The following CCDC134 variants were observed in gnomAD, a reference collection of about 807,000 sequenced individuals.
The protein encoded by CCDC134 is coiled-coil domain containing 134.
A neutral mutation model predicts 25.6 loss-of-function variants in CCDC134; 27 were observed. The ratio of observed to expected loss-of-function variants is 1.05; its 90% CI spans 0.78 to 1.45. The LOEUF is 1.45. Ranked by LOEUF, CCDC134 falls within the 40% of genes most tolerant of loss-of-function variation. The pLI is 0.00. For missense variants in CCDC134, 261 were observed against 286.7 expected (o/e 0.91, Z 0.65); for synonymous variants, 110 against 115.0 (o/e 0.96, Z 0.28).
intron 6 of CCDC134, among the ~76,000 whole-genome samples, chr22:41,820,612 T>G (rs935709248): frequency 1.3e-5 from 2 of 152,204 alleles, no homozygotes; most frequent in African/African-American, 4.8e-5. Context: ...CAGGTTCTGC[T>G]TCTCTTTTGG....
chr22:41,801,928 G>A (rs182937376), intron 1 of CCDC134, among the ~76,000 whole-genome samples: 92 of 152,290 alleles, frequency 6.0e-4, no homozygotes, highest in Non-Finnish European at 9.4e-4. Flanking sequence ...AGGATTACAT[G>A]ATTATTTTGA....
chr22:41,813,184 G>T, intron 4 of CCDC134, 80 bp from the exon 5 acceptor site: 2 of 1,439,154 alleles, frequency 1.4e-6, no homozygotes, highest in Non-Finnish European at 1.9e-6. Flanking sequence ...GGATGTCTCT[G>T]TTCTCTAGAG....
In CCDC134 at chr22:41,830,855, A is replaced by G. The variant is rs2076702376; in HGVS notation, c.*5032A>G. 6.7e-6 allele frequency among the ~76,000 whole-genome samples: 1 copy of G among 150,132 alleles called. No individual in the cohort carries two copies. Among genetic ancestry groups the G allele is most frequent in the Non-Finnish European group, 1.5e-5 (1 of 67,646 alleles). ...CATCGTTTTTAACCTTCAGGTGAGCACACAGATCCTTATTTTTTCTTTTCT... is the reference window on the plus strand; with the variant it reads ...CATCGTTTTTAACCTTCAGGTGAGCGCACAGATCCTTATTTTTTCTTTTCT... On this transcript the variant is annotated 3_prime_UTR_variant, in exon 7 of 7. Coordinates refer to ENST00000255784, the MANE Select transcript of CCDC134 (RefSeq NM_024821.5).
intron 1 of CCDC134, among the ~76,000 whole-genome samples, chr22:41,803,857 C>T (rs777040989): frequency 1.1e-4 from 17 of 152,106 alleles, no homozygotes; most frequent in African/African-American, 2.7e-4. Flanking sequence ...AGAGGCCCAC[C>T]GTGGTGGCTC....
intron 1 of CCDC134, among the ~76,000 whole-genome samples, chr22:41,806,819 G>A (rs917154157): frequency 1.3e-5 from 2 of 151,906 alleles, no homozygotes; most frequent in East Asian, 1.9e-4. Context: ...AGGCTGAGGC[G>A]GTGGATCACC....
intron 6 of CCDC134, among the ~76,000 whole-genome samples, chr22:41,821,948 C>T (rs181249575): frequency 2.0e-5 from 3 of 152,090 alleles, no homozygotes; most frequent in Admixed American, 6.6e-5. Flanking sequence ...GAGGGGAGCA[C>T]GGAGGCTTGA....
At position 41,830,884 on chromosome 22, in the gene CCDC134, C is replaced by CTTTTTTTT. The variant is rs67246997; in HGVS notation, c.*5076_*5083dup. 1.1e-4 allele frequency among the ~76,000 whole-genome samples: 13 copies of CTTTTTTTT among 117,260 alleles called. No individual in the cohort carries two copies. Among genetic ancestry groups the CTTTTTTTT allele is most frequent in the African/African-American group, 2.4e-4 (6 of 25,486 alleles). 76.9% of individuals were successfully genotyped at this position (117,260 alleles called of 152,430 possible). On this transcript the variant is annotated 3_prime_UTR_variant, in exon 7 of 7. Coordinates refer to ENST00000255784, the MANE Select transcript of CCDC134 (RefSeq NM_024821.5). ...AGATCCTTATTTTTTCTTTTCTTTTCTTTTTTTTTTTTTTTTTTTTTTGAG... is the reference window on the plus strand; with the variant it reads ...AGATCCTTATTTTTTCTTTTCTTTTCTTTTTTTTTTTTTTTTTTTTTTTTTTTTTTGAG...
At position 41,827,470 on chromosome 22, in the gene CCDC134, C is replaced by T. The variant is rs901854341; in HGVS notation, c.*1647C>T. 6.6e-6 allele frequency among the ~76,000 whole-genome samples: 1 copy of T among 152,104 alleles called. No individual in the cohort carries two copies. Among genetic ancestry groups the T allele is most frequent in the Non-Finnish European group, 1.5e-5 (1 of 68,024 alleles). Reference sequence around the variant, plus strand: ...CTTGAACAAAGAATTGGGCAAAATGCACAAAGCAAGGAAGGAATGAAGGGT... The same window carrying T: ...CTTGAACAAAGAATTGGGCAAAATGTACAAAGCAAGGAAGGAATGAAGGGT... On this transcript the variant is annotated 3_prime_UTR_variant, in exon 7 of 7. Coordinates refer to ENST00000255784, the MANE Select transcript of CCDC134 (RefSeq NM_024821.5).
In CCDC134 at chr22:41,826,684, G is replaced by A. The variant is rs866630173; in HGVS notation, c.*861G>A. Among the ~76,000 whole-genome samples the A allele has an allele frequency of 1.3e-5, 2 of 152,216 alleles. No homozygotes were observed. The highest frequency in any genetic ancestry group is 6.5e-5 in the Admixed American group (1 of 15,286). The stretch of plus-strand genomic sequence containing the variant: ...ACAGGCCGCAGCCCTGCAGGAGGCC[G>A]TGCTCCGCAATGGCTGCCCTAAGCT... On this transcript the variant is annotated 3_prime_UTR_variant, in exon 7 of 7. Transcript: ENST00000255784.
intron 6 of CCDC134, among the ~76,000 whole-genome samples, chr22:41,815,209 T>TTC (rs1189727797): frequency 6.8e-6 from 1 of 146,742 alleles, no homozygotes; most frequent in African/African-American, 2.6e-5. Context: ...CTTTTCTTTT[T>TTC]TTTTTTTTTT....
At chr22:41,811,510 C>G (rs1218193905) in intron 4 of CCDC134, among the ~76,000 whole-genome samples, 5 of 152,138 alleles carry the variant, frequency 3.3e-5, no homozygotes, top group Admixed American at 6.5e-5. Flanking sequence ...TTCACTGCAA[C>G]CTCTGCCTCC....
chr22:41,829,259 G>A lies in CCDC134; in HGVS notation c.*3436G>A, dbSNP rs1188027461. ...AGAGATGCTGTTGACAGCTCCTTGAGGTGATTCTCTCAGGCTTGTTGTTGT... is the reference window on the plus strand; with the variant it reads ...AGAGATGCTGTTGACAGCTCCTTGAAGTGATTCTCTCAGGCTTGTTGTTGT... On this transcript the variant is annotated 3_prime_UTR_variant, in exon 7 of 7. Transcript: ENST00000255784. 6.6e-6 allele frequency among the ~76,000 whole-genome samples: 1 copy of A among 152,160 alleles called. No individual in the cohort carries two copies. Among genetic ancestry groups the A allele is most frequent in the African/African-American group, 2.4e-5 (1 of 41,422 alleles).
rs1485611330 is a variant in CCDC134, at chr22:41,832,100, T to G, written c.*6277T>G. ...CACAAACTGGCAGGAAACTTCAACT[T>G]TTCCCTTTTATCAATATATTGTGAA... is the stretch of plus-strand genomic sequence containing the variant. On this transcript the variant is annotated 3_prime_UTR_variant, in exon 7 of 7. Coordinates refer to ENST00000255784, the MANE Select transcript of CCDC134 (RefSeq NM_024821.5). 3 of 152,222 alleles carry G rather than the reference T, an allele frequency of 2.0e-5. No homozygotes were observed. Among genetic ancestry groups the G allele is most frequent in the Non-Finnish European group, 4.4e-5 (3 of 68,036 alleles). The allele number at this position is 152,222 out of a possible 1,614,324, so 9.4% of individuals were successfully genotyped here. A position where few individuals can be genotyped will look rare whatever the true frequency, so the allele number is the denominator to read the frequency against.
intron 4 of CCDC134, among the ~76,000 whole-genome samples, chr22:41,811,921 T>C (rs910828588): frequency 2.0e-5 from 3 of 152,142 alleles, no homozygotes; most frequent in Admixed American, 2.0e-4. Context: ...ACCTCAGCCA[T>C]TATGGCTTCA....
rs1425557586 is a variant in CCDC134, at chr22:41,828,049, G to A, written c.*2226G>A. On this transcript the variant is annotated 3_prime_UTR_variant, in exon 7 of 7. Transcript: ENST00000255784. ...AAAGCATACCTCAGGACAGTCAGTG[G>A]TGGGTCCAGCTTCGGCTGGAGGTTC... 6.6e-6 allele frequency among the ~76,000 whole-genome samples: 1 copy of A among 152,234 alleles called. No individual in the cohort carries two copies. The highest frequency in any genetic ancestry group is 1.5e-5 in the Non-Finnish European group (1 of 68,034).
intron 6 of CCDC134, among the ~76,000 whole-genome samples, chr22:41,817,257 A>G (rs2076626965): frequency 6.6e-6 from 1 of 152,134 alleles, no homozygotes. Context: ...TACCATGCCA[A>G]GTAGAATGAT....
intron 1 of CCDC134, among the ~76,000 whole-genome samples, chr22:41,808,267 GC>G (rs1166082354): frequency 6.6e-6 from 1 of 152,032 alleles, no homozygotes; most frequent in Non-Finnish European, 1.5e-5. Flanking sequence ...TGAGTAGCAA[GC>G]CCCCTTACCC....
chr22:41,827,209 T>C lies in CCDC134; in HGVS notation c.*1386T>C, dbSNP rs2076684064. On this transcript the variant is annotated 3_prime_UTR_variant, in exon 7 of 7. Transcript: ENST00000255784. ...CGGAAGTAAGGGGACAAGAAGCAGC[T>C]GGAAGAGAGCTGGGTGTGGGGGCTG... Among the ~76,000 whole-genome samples, 1 of 152,144 alleles carries C rather than the reference T, an allele frequency of 6.6e-6. No individual in the cohort carries two copies. The highest frequency in any genetic ancestry group is 2.1e-4 in the South Asian group (1 of 4,824).
chr22:41,822,184 T>C (rs2076655762), intron 6 of CCDC134, among the ~76,000 whole-genome samples: 2 of 152,032 alleles, frequency 1.3e-5, no homozygotes, highest in Non-Finnish European at 2.9e-5. Flanking sequence ...GCTGGAGACG[T>C]AGCATGGGGT....
Sources: gnomAD v4.1 joint callset for allele counts (sites outside exome capture counted in the v4.1 genomes callset) on GRCh38, gnomAD v4.1.1 for gene constraint, MANE v1.5 for transcripts, NCBI Gene and HGNC (gene_info 2026-07-23, HGNC 2026-07-21) for gene names.